The following SYN3 variants were observed in gnomAD, a reference collection of about 807,000 sequenced individuals.
SYN3 encodes synapsin-3.
SYN3 carries 35 observed loss-of-function variants against 65.8 expected under a neutral mutation model. The ratio of observed to expected loss-of-function variants is 0.53; its 90% CI spans 0.41 to 0.70. SYN3 has a LOEUF of 0.70. Ranked by LOEUF, SYN3 falls within the 30% of genes least tolerant of loss-of-function variation. The pLI is 0.00. For synonymous variants in SYN3, 270 were observed against 292.9 expected (o/e 0.92, Z 0.80); for missense variants, 680 against 749.0 (o/e 0.91, Z 1.08).
intron 6 of SYN3, among the ~76,000 whole-genome samples, chr22:32,638,663 C>T (rs1045120617): frequency 1.3e-4 from 20 of 152,116 alleles, no homozygotes; most frequent in African/African-American, 4.1e-4. Flanking sequence ...ATGGGGCTAT[C>T]GGTTTTTTGG....
At chr22:32,737,348 G>A (rs193128505) in intron 6 of SYN3, among the ~76,000 whole-genome samples, 254 of 152,024 alleles carry the variant, frequency 1.7e-3, no homozygotes, top group South Asian at 1.7e-3. Flanking sequence ...TAAGTTTTAG[G>A]GTACATGTGC....
chr22:32,616,442 T>C (rs1569094444), intron 6 of SYN3, among the ~76,000 whole-genome samples: 2 of 152,258 alleles, frequency 1.3e-5, no homozygotes, highest in Middle Eastern at 3.4e-3. Context: ...AGGTCACAAT[T>C]GTTCAGTGTC....
At chr22:32,680,904 T>TTC (rs1320391194) in intron 6 of SYN3, among the ~76,000 whole-genome samples, 1 of 152,242 alleles carries the variant, frequency 6.6e-6, no homozygotes, top group Non-Finnish European at 1.5e-5. Context: ...GCTGACTTTT[T>TTC]TCTATGCTCT....
At chr22:32,826,775 C>G (rs1238176204) in intron 6 of SYN3, among the ~76,000 whole-genome samples, 1 of 152,162 alleles carries the variant, frequency 6.6e-6, no homozygotes, top group Non-Finnish European at 1.5e-5. Context: ...TATCCAGTCC[C>G]AAGCCTGCCA....
At chr22:32,985,331 A>C (rs934425671) in intron 2 of SYN3, among the ~76,000 whole-genome samples, 1 of 152,140 alleles carries the variant, frequency 6.6e-6, no homozygotes, top group South Asian at 2.1e-4. Context: ...GGGACCCACA[A>C]ATAAACAAAA....
At chr22:32,858,301 G>T (rs1401524382) in intron 6 of SYN3, among the ~76,000 whole-genome samples, 1 of 152,172 alleles carries the variant, frequency 6.6e-6, no homozygotes, top group Non-Finnish European at 1.5e-5. Context: ...AAGGATTGTT[G>T]CCCCAGGTGG....
intron 6 of SYN3, among the ~76,000 whole-genome samples, chr22:32,849,106 G>A (rs1327911013): frequency 6.6e-6 from 1 of 152,188 alleles, no homozygotes; most frequent in African/African-American, 2.4e-5. Flanking sequence ...AGGGAGGGGG[G>A]ACAATGGCTC....
At position 32,671,509 on chromosome 22, in the gene SYN3, GCT is replaced by G. The variant is rs141841745; in HGVS notation, c.712-74775_712-74774del. Among the ~76,000 whole-genome samples the G allele has an allele frequency of 2.3e-3, 321 of 142,138 alleles. 5 individuals carry two copies. In the East Asian group the frequency reaches 0.041, roughly 18 times the overall value. 93.2% of individuals were successfully genotyped at this position (142,138 alleles called of 152,430 possible). On this transcript the variant is annotated intron_variant, in intron 6 of 13. Transcript: ENST00000358763. Reference sequence around the variant, plus strand: ...CATGCTGTCGCACAGGTGCACACACGCTCTCACACAGCTACACATACACACGC... The same window carrying G: ...CATGCTGTCGCACAGGTGCACACACGCTCACACAGCTACACATACACACGC...
intron 6 of SYN3, among the ~76,000 whole-genome samples, chr22:32,736,337 A>C (rs1247196431): frequency 6.6e-6 from 1 of 152,188 alleles, no homozygotes; most frequent in African/African-American, 2.4e-5. Flanking sequence ...TTTCATATAA[A>C]AGTGCAATTA....
At chr22:32,660,252 G>A (rs1405953774) in intron 6 of SYN3, among the ~76,000 whole-genome samples, 1 of 152,164 alleles carries the variant, frequency 6.6e-6, no homozygotes, top group African/African-American at 2.4e-5. Flanking sequence ...ATGTGGTCAG[G>A]AGGACTCCTT....
chr22:32,587,537 T>G (rs918971213), intron 7 of SYN3, among the ~76,000 whole-genome samples: 53 of 152,272 alleles, frequency 3.5e-4, no homozygotes, highest in African/African-American at 1.3e-3. Flanking sequence ...TTCTTAACTA[T>G]TCCCCTGGGA....
chr22:32,607,840 T>G (rs1353558914), intron 6 of SYN3, among the ~76,000 whole-genome samples: 2 of 152,218 alleles, frequency 1.3e-5, no homozygotes, highest in African/African-American at 4.8e-5. Context: ...TGGGTGACAC[T>G]CACCATGCAG....
intron 6 of SYN3, among the ~76,000 whole-genome samples, chr22:32,604,847 TGC>T (rs1424455002): frequency 1.0e-4 from 15 of 148,790 alleles, no homozygotes; most frequent in Middle Eastern, 3.4e-3. Context: ...CTACTAAAAA[TGC>T]AAAAAAATTA....
intron 3 of SYN3, among the ~76,000 whole-genome samples, chr22:32,959,398 G>A (rs1988647): frequency 0.053 from 8,083 of 151,706 alleles, 705 homozygotes; most frequent in African/African-American, 0.18. Context: ...GTGTGAAAAC[G>A]GACTAATACA....
At chr22:32,915,440 T>A (rs920445895) in intron 4 of SYN3, among the ~76,000 whole-genome samples, 1 of 152,060 alleles carries the variant, frequency 6.6e-6, no homozygotes, top group East Asian at 1.9e-4. Flanking sequence ...GCAGTAGCAA[T>A]GAGGGCTGTT....
intron 4 of SYN3, among the ~76,000 whole-genome samples, chr22:32,910,624 C>T (rs750912032): frequency 1.8e-4 from 27 of 151,552 alleles, no homozygotes; most frequent in Non-Finnish European, 1.5e-4. Flanking sequence ...TGACCTTGGA[C>T]GAGTTATTCG....
intron 1 of SYN3, among the ~76,000 whole-genome samples, chr22:33,040,294 TCCATTCAGCC>T (rs1191541988): frequency 3.9e-5 from 6 of 152,212 alleles, no homozygotes; most frequent in African/African-American, 1.4e-4. Context: ...CAAATTCACC[TCCATTCAGCC>T]CCATAACAGA....
chr22:32,783,456 G>A (rs2046121604), intron 6 of SYN3, among the ~76,000 whole-genome samples: 1 of 152,218 alleles, frequency 6.6e-6, no homozygotes, highest in Non-Finnish European at 1.5e-5. Context: ...CTGAAAGTTT[G>A]TGAATTACAT....
chr22:32,886,678 G>A, intron 4 of SYN3, among the ~76,000 whole-genome samples: 1 of 152,210 alleles, frequency 6.6e-6, no homozygotes, highest in East Asian at 1.9e-4. Context: ...TCCCTCTACT[G>A]TCAATCCCCT....
Sources: gnomAD v4.1 joint callset for allele counts (sites outside exome capture counted in the v4.1 genomes callset) on GRCh38, gnomAD v4.1.1 for gene constraint, MANE v1.5 for transcripts, NCBI Gene and HGNC (gene_info 2026-07-23, HGNC 2026-07-21) for gene names.